UQCC1: variants seen among roughly 807,000 people sequenced by gnomAD.
The protein encoded by UQCC1 is ubiquinol-cytochrome c reductase complex assembly factor 1, also known as bFGF-repressed Zic-binding protein.
In UQCC1, 38 loss-of-function variants were observed where a neutral mutation model predicts 48.0. That is an observed-to-expected ratio of 0.79 (90% confidence interval 0.61 to 1.04). The LOEUF is 1.04. Ranked by LOEUF, UQCC1 falls within the 50% of genes least tolerant of loss-of-function variation. UQCC1 has a pLI of 0.00. For missense variants in UQCC1, 368 were observed against 381.8 expected (o/e 0.96, Z 0.30); for synonymous variants, 111 against 129.2 (o/e 0.86, Z 0.95).
intron 6 of UQCC1, among the ~76,000 whole-genome samples, chr20:35,348,068 C>T (rs1339668186): frequency 4.6e-5 from 7 of 152,174 alleles, no homozygotes; most frequent in Non-Finnish European, 8.8e-5. Flanking sequence ...GTAAGCTCTA[C>T]TGAAGATAAA....
chr20:35,376,641 C>T (rs188621136), intron 4 of UQCC1, among the ~76,000 whole-genome samples: 115 of 152,068 alleles, frequency 7.6e-4, no homozygotes, highest in African/African-American at 2.6e-3. Flanking sequence ...GATAGCATCA[C>T]TAGAGAACTG....
At chr20:35,314,895 C>T in intron 7 of UQCC1, 130 bp from the exon 8 acceptor site, 1 of 591,240 alleles carries the variant, frequency 1.7e-6, no homozygotes. Flanking sequence ...AGTCAAGCTG[C>T]CAGTCCATTC....
chr20:35,364,438 A>G (rs1275149282), intron 6 of UQCC1, among the ~76,000 whole-genome samples: 1 of 152,126 alleles, frequency 6.6e-6, no homozygotes, highest in African/African-American at 2.4e-5. Context: ...TCTGTATCTG[A>G]TTTGCCCAAA....
intron 1 of UQCC1, among the ~76,000 whole-genome samples, chr20:35,395,955 T>A (rs1217538748): frequency 1.3e-5 from 2 of 149,866 alleles, no homozygotes; most frequent in Non-Finnish European, 3.0e-5. Flanking sequence ...GATTAGATTA[T>A]AATTCAAATT....
At chr20:35,318,292 A>G (rs1758179300) in intron 7 of UQCC1, among the ~76,000 whole-genome samples, 1 of 152,198 alleles carries the variant, frequency 6.6e-6, no homozygotes, top group African/African-American at 2.4e-5. Context: ...CTTATTCAAG[A>G]TCACACATCA....
At chr20:35,375,799 C>A (rs922489016) in intron 4 of UQCC1, among the ~76,000 whole-genome samples, 4 of 151,656 alleles carry the variant, frequency 2.6e-5, no homozygotes, top group African/African-American at 7.3e-5. Flanking sequence ...ACCAAAAATA[C>A]AAAAATTAGC....
At chr20:35,338,872 A>ATAT (rs1568666036) in intron 7 of UQCC1, among the ~76,000 whole-genome samples, 4 of 57,680 alleles carry the variant, frequency 6.9e-5, no homozygotes, top group African/African-American at 2.1e-4. Context: ...AAAAAAAAAA[A>ATAT]AAAAAAAAAA....
chr20:35,303,878 T>G lies in UQCC1; in HGVS notation c.*57A>C, dbSNP rs1400789918. 5 of 1,613,310 alleles carry G rather than the reference T, an allele frequency of 3.1e-6. No individual in the cohort carries two copies. The highest frequency in any genetic ancestry group is 4.2e-6 in the Non-Finnish European group (5 of 1,179,452). Reference sequence around the variant, plus strand: ...TGCAGGGTCCTGGACCAACAGGCACTTCTCTCCTGGAGGTTCCTCGAAGCC... The same window carrying G: ...TGCAGGGTCCTGGACCAACAGGCACGTCTCTCCTGGAGGTTCCTCGAAGCC... On this transcript the variant is annotated 3_prime_UTR_variant, in exon 10 of 10. Transcript: ENST00000374385.
rs565617202 is a variant in UQCC1, at chr20:35,386,487, C to A, written c.130-2354G>T. On this transcript the variant is annotated intron_variant, in intron 2 of 9. Coordinates refer to ENST00000374385, the MANE Select transcript of UQCC1 (RefSeq NM_018244.5). ...AAAAATTAGTCAGGATTCTTCTGGT[C>A]AGTCCCAAGGACACTTAGGCTTTAA... The A allele has an allele frequency of 1.5e-4, 60 of 399,434 alleles. No homozygotes were observed. The Middle Eastern group carries it at 4.4e-3, about 29-fold the overall frequency. The allele number at this position is 399,434 out of a possible 1,614,324, so 24.7% of individuals were successfully genotyped here.
At position 35,374,180 on chromosome 20, in the gene UQCC1, T is replaced by C. The variant is rs923524775; in HGVS notation, c.406+4A>G. The C allele has an allele frequency of 1.2e-6, 2 of 1,608,226 alleles. No individual in the cohort carries two copies. The highest frequency in any genetic ancestry group is 2.7e-5 in the African/African-American group (2 of 74,852). ...CTTTTCAGTACTATCAAACAATAACTTACTTAGAAAGAATTCCTCGAAGTC... is the reference window on the plus strand; with the variant it reads ...CTTTTCAGTACTATCAAACAATAACCTACTTAGAAAGAATTCCTCGAAGTC... On this transcript the variant is annotated splice_donor_region_variant and intron_variant, in intron 5 of 9. Coordinates refer to ENST00000374385, the MANE Select transcript of UQCC1 (RefSeq NM_018244.5).
chr20:35,371,344 G>GTT (rs397721939), intron 5 of UQCC1, among the ~76,000 whole-genome samples: 1,721 of 144,956 alleles, frequency 0.012, 28 homozygotes, highest in African/African-American at 0.038. Flanking sequence ...GGTTTTTTTT[G>GTT]TTTTTTTTTT....
chr20:35,321,961 G>A (rs2061135920), intron 7 of UQCC1, among the ~76,000 whole-genome samples: 1 of 152,190 alleles, frequency 6.6e-6, no homozygotes, highest in Non-Finnish European at 1.5e-5. Flanking sequence ...GAGAAAACAT[G>A]AGAACACATA....
rs191819596 is a variant in UQCC1 at position 35,302,684 on chromosome 20, A to G, written c.*1251T>C. 6.6e-6 allele frequency: 1 copy of G among 152,350 alleles called. No individual in the cohort carries two copies. Among genetic ancestry groups the G allele is most frequent in the African/African-American group, 2.4e-5 (1 of 41,562 alleles). The allele number at this position is 152,350 out of a possible 1,614,324, so 9.4% of individuals were successfully genotyped here. ...TGGCTCAGCTCTGGTTTATGTAAAT[A>G]GTGCCCAGCTGTAATGAGTTACAAG... On this transcript the variant is annotated 3_prime_UTR_variant, in exon 10 of 10. Coordinates refer to ENST00000374385, the MANE Select transcript of UQCC1 (RefSeq NM_018244.5).
intron 1 of UQCC1, among the ~76,000 whole-genome samples, chr20:35,398,253 C>T (rs530006514): frequency 6.6e-6 from 1 of 152,142 alleles, no homozygotes; most frequent in Admixed American, 6.5e-5. Context: ...TAACTAAAGG[C>T]AGGAAGTACT....
intron 1 of UQCC1, among the ~76,000 whole-genome samples, chr20:35,399,733 T>C (rs1335914319): frequency 6.6e-6 from 1 of 151,448 alleles, no homozygotes; most frequent in South Asian, 2.1e-4. Flanking sequence ...GGCAGGTGCC[T>C]GTAATCCCAG....
chr20:35,338,876 A>ATATATATAT (rs1417579425), intron 7 of UQCC1, among the ~76,000 whole-genome samples: 15 of 58,474 alleles, frequency 2.6e-4, no homozygotes, highest in African/African-American at 8.5e-4. Flanking sequence ...AAAAAAAAAA[A>ATATATATAT]AAAAAAAAAA....
intron 1 of UQCC1, among the ~76,000 whole-genome samples, chr20:35,399,541 C>G (rs975671817): frequency 1.4e-4 from 21 of 152,088 alleles, no homozygotes; most frequent in Non-Finnish European, 2.5e-4. Flanking sequence ...CCAACCCAAA[C>G]TATAAGCTCA....
Position 35,387,130 on chromosome 20 carries a change from A to C in UQCC1, c.130-2997T>G, listed in dbSNP as rs183081955. Among the ~76,000 whole-genome samples the C allele has an allele frequency of 8.3e-4, 126 of 151,898 alleles. 1 individual carries two copies. The highest frequency in any genetic ancestry group is 2.9e-3 in the African/African-American group (120 of 41,414). On this transcript the variant is annotated intron_variant, in intron 2 of 9. Coordinates refer to ENST00000374385, the MANE Select transcript of UQCC1 (RefSeq NM_018244.5). ...CATCTCTACCCCCCTCCAAAAAAAAACAAAAATTAGCCAGGCATGGTGGTG... is the reference window on the plus strand; with the variant it reads ...CATCTCTACCCCCCTCCAAAAAAAACCAAAAATTAGCCAGGCATGGTGGTG...
chr20:35,309,504 T>C (rs1230511239), intron 8 of UQCC1, among the ~76,000 whole-genome samples: 1 of 151,498 alleles, frequency 6.6e-6, no homozygotes, highest in Non-Finnish European at 1.5e-5. Context: ...ACACTGCTAG[T>C]GTAAGGCAGT....
Sources: allele counts gnomAD v4.1 joint callset (sites outside exome capture counted in the v4.1 genomes callset), GRCh38; gene constraint gnomAD v4.1.1; transcripts MANE v1.5; gene names NCBI Gene and HGNC (gene_info 2026-07-23, HGNC 2026-07-21).